TLN2: variants seen among roughly 807,000 people sequenced by gnomAD.
TLN2 encodes the protein talin-2.
A neutral mutation model predicts 294.7 loss-of-function variants in TLN2; 118 were observed. The ratio of observed to expected loss-of-function variants is 0.40; its 90% CI spans 0.34 to 0.47. The LOEUF is 0.47. Ranked by LOEUF, TLN2 falls within the 20% of genes least tolerant of loss-of-function variation. The probability of loss-of-function intolerance (pLI) is 0.84; values close to 1 mark genes in which losing one functional copy is unlikely to be tolerated. For missense variants in TLN2, 3,083 were observed against 3,282.2 expected, an observed-to-expected ratio of 0.94 and a Z score of 1.48; for synonymous variants, 1,431 against 1,304.5, an observed-to-expected ratio of 1.10 and a Z score of -2.09.
rs139099876 is a variant in TLN2, at chr15:62,439,161, C to T, written c.-238+48476C>T. Reference sequence around the variant, plus strand: ...TTTCTCTTGCTGTCATGGCAGACATCGCTAGAAGATTATGACACTTTACTA... The same window carrying T: ...TTTCTCTTGCTGTCATGGCAGACATTGCTAGAAGATTATGACACTTTACTA... On this transcript the variant is annotated intron_variant, in intron 1 of 58. Coordinates refer to ENST00000636159, the MANE Select transcript of TLN2 (RefSeq NM_015059.3). Among the ~76,000 whole-genome samples, 911 of 152,278 alleles carry T rather than the reference C, an allele frequency of 6.0e-3. 10 individuals are homozygous for T. Among genetic ancestry groups the T allele is most frequent in the East Asian group, 8.9e-3 (46 of 5,188 alleles).
chr15:62,592,834 T>A (rs975557519), intron 2 of TLN2, among the ~76,000 whole-genome samples: 1 of 152,198 alleles, frequency 6.6e-6, no homozygotes, highest in Non-Finnish European at 1.5e-5. Flanking sequence ...TGGATGTGTG[T>A]GCATGTGAGA....
chr15:62,448,490 C>A (rs1466727744), intron 1 of TLN2, among the ~76,000 whole-genome samples: 1 of 152,146 alleles, frequency 6.6e-6, no homozygotes, highest in Non-Finnish European at 1.5e-5. Context: ...CCTCCAGTAC[C>A]CTCTCTGTCA....
chr15:62,793,875 G>C (rs1484807115), intron 46 of TLN2, among the ~76,000 whole-genome samples: 1 of 124,384 alleles, frequency 8.0e-6, no homozygotes. Flanking sequence ...ACCCTCAACT[G>C]GAAGCTGCTG....
At chr15:62,770,021 G>A (rs2063250949) in intron 41 of TLN2, among the ~76,000 whole-genome samples, 1 of 152,182 alleles carries the variant, frequency 6.6e-6, no homozygotes, top group Non-Finnish European at 1.5e-5. Flanking sequence ...ACTTCTAAAA[G>A]TGCGGTGCTC....
rs116378439 is a variant in TLN2, at chr15:62,497,749, G to T, written c.-237-91938G>T. Reference sequence around the variant, plus strand: ...AGAACTTTAAGCAATTCATATTTGAGAAGATACATTTATAGCTCTAAATTT... The same window carrying T: ...AGAACTTTAAGCAATTCATATTTGATAAGATACATTTATAGCTCTAAATTT... On this transcript the variant is annotated intron_variant, in intron 1 of 58. Coordinates refer to ENST00000636159, the MANE Select transcript of TLN2 (RefSeq NM_015059.3). Among the ~76,000 whole-genome samples, 690 of 152,268 alleles carry T rather than the reference G, an allele frequency of 4.5e-3. 6 individuals are homozygous for T. Among genetic ancestry groups the T allele is most frequent in the African/African-American group, 0.016 (663 of 41,556 alleles).
rs2041301141 is a variant in TLN2 at position 62,535,605 on chromosome 15, G to C, written c.-237-54082G>C. Among the ~76,000 whole-genome samples the C allele has an allele frequency of 4.0e-5, 6 of 149,754 alleles. No homozygotes were observed. The South Asian group carries it at 1.1e-3, about 26-fold the overall frequency. ...GTGTCTGGTTCTGTTGCCCCGGCCA[G>C]AGTGCAGTGGCACAATTGCAGCTCA... is the stretch of plus-strand genomic sequence containing the variant. On this transcript the variant is annotated intron_variant, in intron 1 of 58. Transcript: ENST00000636159.
At chr15:62,582,216 A>ACACACACACACACACACC (rs2045133994) in intron 1 of TLN2, among the ~76,000 whole-genome samples, 1 of 135,050 alleles carries the variant, frequency 7.4e-6, no homozygotes, top group African/African-American at 2.7e-5. Context: ...ACACACACAC[A>ACACACACACACACACACC]CACACACACA....
intron 28 of TLN2, among the ~76,000 whole-genome samples, chr15:62,728,481 C>G (rs964880646): frequency 6.6e-6 from 1 of 152,164 alleles, no homozygotes; most frequent in African/African-American, 2.4e-5. Context: ...AGTGGATTTC[C>G]TAGGTCAGAG....
At chr15:62,494,130 A>G (rs1025660521) in intron 1 of TLN2, among the ~76,000 whole-genome samples, 3 of 152,060 alleles carry the variant, frequency 2.0e-5, no homozygotes, top group Non-Finnish European at 2.9e-5. Context: ...AGTGCTTTTC[A>G]TGTCTTCAAT....
At chr15:62,520,613 C>G (rs1317438381) in intron 1 of TLN2, among the ~76,000 whole-genome samples, 1 of 152,186 alleles carries the variant, frequency 6.6e-6, no homozygotes, top group African/African-American at 2.4e-5. Flanking sequence ...CTTATTTCTT[C>G]TAAACGGGAA....
chr15:62,699,616 T>A (rs192089193), intron 16 of TLN2, among the ~76,000 whole-genome samples: 3 of 152,196 alleles, frequency 2.0e-5, no homozygotes, highest in Non-Finnish European at 2.9e-5. Flanking sequence ...ACCAGCAGCA[T>A]TGGCAATTCC....
At chr15:62,571,068 A>G (rs913912776) in intron 1 of TLN2, among the ~76,000 whole-genome samples, 2 of 152,234 alleles carry the variant, frequency 1.3e-5, no homozygotes, top group Admixed American at 1.3e-4. Flanking sequence ...GTGATGATCA[A>G]TCAACATGAT....
chr15:62,581,059 T>G (rs2044955573), intron 1 of TLN2, among the ~76,000 whole-genome samples: 1 of 151,952 alleles, frequency 6.6e-6, no homozygotes. Flanking sequence ...AATTTTTGTA[T>G]ATTTAGTAGA....
intron 3 of TLN2, among the ~76,000 whole-genome samples, chr15:62,645,629 G>A (rs1467772049): frequency 2.0e-5 from 3 of 152,164 alleles, no homozygotes; most frequent in African/African-American, 7.2e-5. Context: ...GGAGGCACTC[G>A]CTGCACTGCC....
intron 12 of TLN2, chr15:62,688,042 G>A (rs1208591413): frequency 1.3e-5 from 2 of 152,216 alleles, no homozygotes; most frequent in Non-Finnish European, 2.9e-5. Context: ...AGAAAGTGAA[G>A]TTGGGAATGG....
At chr15:62,734,456 G>GCAGAGC (rs906522069) in intron 28 of TLN2, among the ~76,000 whole-genome samples, 1 of 152,174 alleles carries the variant, frequency 6.6e-6, no homozygotes, top group Non-Finnish European at 1.5e-5. Context: ...CTAATCAGCA[G>GCAGAGC]CAGAGCCAGA....
intron 1 of TLN2, among the ~76,000 whole-genome samples, chr15:62,507,841 T>C (rs560785135): frequency 6.6e-6 from 1 of 152,360 alleles, no homozygotes; most frequent in South Asian, 2.1e-4. Flanking sequence ...CTGAGGAAGA[T>C]GTATGGGACT....
At chr15:62,447,799 T>A (rs2035901904) in intron 1 of TLN2, among the ~76,000 whole-genome samples, 1 of 152,178 alleles carries the variant, frequency 6.6e-6, no homozygotes, top group Non-Finnish European at 1.5e-5. Flanking sequence ...TCTCCAGAGT[T>A]CCATATCCCC....
chr15:62,554,311 G>A lies in TLN2; in HGVS notation c.-237-35376G>A, dbSNP rs78330385. Among the ~76,000 whole-genome samples, 67 of 149,450 alleles carry A rather than the reference G, an allele frequency of 4.5e-4. No individual in the cohort carries two copies. In the East Asian group the frequency reaches 6.8e-3, roughly 15 times the overall value. On this transcript the variant is annotated intron_variant, in intron 1 of 58. Coordinates refer to ENST00000636159, the MANE Select transcript of TLN2 (RefSeq NM_015059.3). ...ATTTAATAGTATGAATAGAATTTCC[G>A]TAGATAAAGATTTCCTTGATCTAGT... is the stretch of plus-strand genomic sequence containing the variant.
Sources: allele counts gnomAD v4.1 joint callset (sites outside exome capture counted in the v4.1 genomes callset), GRCh38; gene constraint gnomAD v4.1.1; transcripts MANE v1.5; gene names NCBI Gene and HGNC (gene_info 2026-07-23, HGNC 2026-07-21).